SGCZ: variants seen among roughly 807,000 people sequenced by gnomAD.
SGCZ encodes zeta-sarcoglycan.
A neutral mutation model predicts 41.3 loss-of-function variants in SGCZ; 40 were observed. The observed-to-expected ratio is 0.97, with a 90% confidence interval of 0.75 to 1.26. The LOEUF (loss-of-function observed/expected upper bound fraction) is 1.26, where lower values mean the gene tolerates loss of function less well. SGCZ is among the 50% of genes most tolerant of loss of function. The probability of loss-of-function intolerance (pLI) is 0.00; values close to 1 mark genes in which losing one functional copy is unlikely to be tolerated. For missense variants in SGCZ, 552 were observed against 369.8 expected, an observed-to-expected ratio of 1.49 and a Z score of -4.04; for synonymous variants, 206 against 137.5, an observed-to-expected ratio of 1.50 and a Z score of -3.49.
At chr8:14,553,317 G>C (rs944017039) in intron 2 of SGCZ, among the ~76,000 whole-genome samples, 4 of 152,028 alleles carry the variant, frequency 2.6e-5, no homozygotes, top group Non-Finnish European at 5.9e-5. Flanking sequence ...AAGGGAGAAT[G>C]TACCTACAAG....
At chr8:14,800,056 C>G (rs1801269551) in intron 1 of SGCZ, among the ~76,000 whole-genome samples, 1 of 152,064 alleles carries the variant, frequency 6.6e-6, no homozygotes, top group Non-Finnish European at 1.5e-5. Flanking sequence ...TATTCCAAAA[C>G]CATTATGTAC....
intron 2 of SGCZ, among the ~76,000 whole-genome samples, chr8:14,551,545 ATATATAATATATATTATATATATAAT>A (rs1563404689): frequency 0.04 from 232 of 5,766 alleles, 14 homozygotes; most frequent in African/African-American, 0.1. Flanking sequence ...TATATATAAT[ATATATAATATATATTATATATATAAT>A]ATATATATAA....
At chr8:14,488,114 C>A (rs1053933547) in intron 2 of SGCZ, among the ~76,000 whole-genome samples, 4 of 127,868 alleles carry the variant, frequency 3.1e-5, no homozygotes, top group African/African-American at 1.1e-4. Flanking sequence ...TTCCCTGACA[C>A]GAAAAGAGTT....
intron 1 of SGCZ, among the ~76,000 whole-genome samples, chr8:14,667,641 A>T (rs1487052755): frequency 6.6e-6 from 1 of 152,210 alleles, no homozygotes; most frequent in African/African-American, 2.4e-5. Context: ...AAAGATACTT[A>T]AAAATCTAAT....
At chr8:14,880,604 C>T (rs552252296) in intron 1 of SGCZ, among the ~76,000 whole-genome samples, 1 of 152,128 alleles carries the variant, frequency 6.6e-6, no homozygotes, top group South Asian at 2.1e-4. Context: ...ACATATACAC[C>T]ATGTGATACT....
intron 1 of SGCZ, among the ~76,000 whole-genome samples, chr8:14,644,940 A>C (rs558665560): frequency 3.1e-5 from 2 of 64,126 alleles, no homozygotes; most frequent in East Asian, 1.1e-3. Context: ...GCCTTTGTGT[A>C]GTTGCATAAA....
At chr8:15,219,530 G>C (rs911108366) in intron 1 of SGCZ, among the ~76,000 whole-genome samples, 5 of 152,118 alleles carry the variant, frequency 3.3e-5, no homozygotes, top group African/African-American at 1.2e-4. Flanking sequence ...TCTATGATGG[G>C]AATTTCATCC....
At chr8:15,139,645 T>C (rs1808247885) in intron 1 of SGCZ, among the ~76,000 whole-genome samples, 1 of 151,446 alleles carries the variant, frequency 6.6e-6, no homozygotes, top group African/African-American at 2.4e-5. Context: ...AAAGTCTACT[T>C]ATTTAACCAA....
chr8:14,704,882 G>A (rs987562935), intron 1 of SGCZ, among the ~76,000 whole-genome samples: 3 of 151,810 alleles, frequency 2.0e-5, no homozygotes, highest in Non-Finnish European at 2.9e-5. Context: ...AGCCAAACTC[G>A]CTTCATTCAA....
chr8:14,557,075 C>T (rs1054527636), intron 1 of SGCZ, among the ~76,000 whole-genome samples: 1 of 151,948 alleles, frequency 6.6e-6, no homozygotes, highest in Non-Finnish European at 1.5e-5. Context: ...TCCTTTTTCA[C>T]TGCATCTACA....
At chr8:14,613,728 T>C (rs1454976164) in intron 1 of SGCZ, among the ~76,000 whole-genome samples, 1 of 140,272 alleles carries the variant, frequency 7.1e-6, no homozygotes, top group East Asian at 2.0e-4. Flanking sequence ...TCCAAAGATT[T>C]AGACATAAGA....
rs557778446 is a variant in SGCZ, at chr8:15,168,495, G to A, written c.39+69090C>T. On this transcript the variant is annotated intron_variant, in intron 1 of 7. Coordinates refer to ENST00000382080, the MANE Select transcript of SGCZ (RefSeq NM_139167.4). ...AACCCAACCCTTGCTTCATGGGCGT[G>A]AGCTGCTTTGGTACTCATGGCAGTA... is the stretch of plus-strand genomic sequence containing the variant. 7.8e-3 allele frequency among the ~76,000 whole-genome samples: 1,190 copies of A among 152,138 alleles called. 20 individuals carry two copies. Among genetic ancestry groups the A allele is most frequent in the African/African-American group, 0.027 (1,111 of 41,512 alleles).
chr8:14,446,274 T>A (rs138656090), intron 2 of SGCZ, among the ~76,000 whole-genome samples: 1 of 152,326 alleles, frequency 6.6e-6, no homozygotes, highest in East Asian at 1.9e-4. Flanking sequence ...ACACTGGTTT[T>A]ACCTACTGCT....
intron 1 of SGCZ, among the ~76,000 whole-genome samples, chr8:15,099,904 CT>C (rs1358434380): frequency 1.3e-5 from 2 of 151,916 alleles, no homozygotes; most frequent in African/African-American, 4.8e-5. Context: ...ATTCAACATA[CT>C]TTCATGATAA....
intron 2 of SGCZ, among the ~76,000 whole-genome samples, chr8:14,406,318 T>G (rs748732350): frequency 5.3e-5 from 8 of 152,122 alleles, no homozygotes; most frequent in Non-Finnish European, 8.8e-5. Flanking sequence ...TCTATTCACT[T>G]TCTTATCAAA....
chr8:15,031,217 C>G (rs1803647944), intron 1 of SGCZ, among the ~76,000 whole-genome samples: 1 of 151,902 alleles, frequency 6.6e-6, no homozygotes, highest in Non-Finnish European at 1.5e-5. Flanking sequence ...AATTTATTTC[C>G]CAGGATGGCA....
chr8:14,096,809 G>A (rs368421698), intron 7 of SGCZ, among the ~76,000 whole-genome samples: 10 of 152,104 alleles, frequency 6.6e-5, no homozygotes, highest in East Asian at 5.8e-4. Flanking sequence ...TTAGGTATTC[G>A]ACTTCTTCCT....
chr8:15,106,024 T>C (rs1192073590), intron 1 of SGCZ, among the ~76,000 whole-genome samples: 1 of 152,210 alleles, frequency 6.6e-6, no homozygotes, highest in Non-Finnish European at 1.5e-5. Flanking sequence ...CTGGTTTTAC[T>C]TCTCTGCTTA....
At chr8:14,580,758 T>G (rs1804860929) in intron 1 of SGCZ, among the ~76,000 whole-genome samples, 1 of 152,200 alleles carries the variant, frequency 6.6e-6, no homozygotes, top group Non-Finnish European at 1.5e-5. Flanking sequence ...AAGAACTGTT[T>G]AGCACATAGA....
Sources: gnomAD v4.1 joint callset for allele counts (sites outside exome capture counted in the v4.1 genomes callset) on GRCh38, gnomAD v4.1.1 for gene constraint, MANE v1.5 for transcripts, NCBI Gene and HGNC (gene_info 2026-07-23, HGNC 2026-07-21) for gene names.